ACAD9: variants seen among roughly 807,000 people sequenced by gnomAD.
ACAD9 encodes the protein acyl-CoA dehydrogenase family member 9.
Under a neutral mutation model 70.2 loss-of-function variants are expected in ACAD9, and 53 were observed. The ratio of observed to expected loss-of-function variants is 0.75; its 90% CI spans 0.61 to 0.95. ACAD9 has a LOEUF of 0.95. ACAD9 is among the 40% of genes least tolerant of loss of function. The pLI is 0.00. For synonymous variants in ACAD9, 313 were observed against 312.1 expected, an observed-to-expected ratio of 1.00 and a Z score of -0.03; for missense variants, 777 against 802.8, an observed-to-expected ratio of 0.97 and a Z score of 0.39.
intron 5 of ACAD9, among the ~76,000 whole-genome samples, chr3:128,897,306 C>T (rs868561279): frequency 6.6e-6 from 1 of 152,140 alleles, no homozygotes; most frequent in East Asian, 1.9e-4. Flanking sequence ...CTCAGCCTCC[C>T]GAGTAGCTGG....
rs1935546537 is a variant in ACAD9, at chr3:128,895,515, G to C, written c.453+99G>C. 2.7e-6 allele frequency: 3 copies of C among 1,115,628 alleles called. No homozygotes were observed. In the Admixed American group the frequency reaches 5.9e-5, roughly 22 times the overall value. 69.1% of individuals were successfully genotyped at this position (1,115,628 alleles called of 1,614,324 possible). A position where few individuals can be genotyped will look rare whatever the true frequency, so the allele number is the denominator to read the frequency against. ...GGCTTGCTCCCTCTGAATTGGGCCT[G>C]ATATCTGACCTTCAGCCCTGCCCTT... is the stretch of plus-strand genomic sequence containing the variant. On this transcript the variant is annotated intron_variant, in intron 4 of 17. Transcript: ENST00000308982.
chr3:128,882,519 G>C (rs1240418091), intron 1 of ACAD9, among the ~76,000 whole-genome samples: 1 of 152,296 alleles, frequency 6.6e-6, no homozygotes, highest in Non-Finnish European at 1.5e-5. Context: ...ACTGGGATTA[G>C]AGCAGAAACA....
In ACAD9 at chr3:128,895,279, G is replaced by T. The variant is rs1442830981; in HGVS notation, c.347-31G>T. The T allele has an allele frequency of 1.9e-6, 3 of 1,551,090 alleles. No individual in the cohort carries two copies. In the South Asian group the frequency reaches 3.4e-5, roughly 18 times the overall value. ...CTTAATGGGAGGAATCTAGGGCTGG[G>T]CTGTGATTGACGCTGGTCCATCTCT... On this transcript the variant is annotated intron_variant, in intron 3 of 17. Transcript: ENST00000308982.
chr3:128,889,253 A>G (rs1188568999), intron 2 of ACAD9, among the ~76,000 whole-genome samples: 1 of 151,626 alleles, frequency 6.6e-6, no homozygotes, highest in Non-Finnish European at 1.5e-5. Context: ...GGCTCAAGTG[A>G]TCCTCCCGCC....
chr3:128,891,156 G>T (rs1367292903), intron 2 of ACAD9, among the ~76,000 whole-genome samples: 1 of 151,832 alleles, frequency 6.6e-6, no homozygotes, highest in African/African-American at 2.4e-5. Context: ...TTTAAAATAG[G>T]AAAAAAGGAT....
intron 14 of ACAD9, 43 bp downstream of exon 14, chr3:128,909,142 C>T (rs201781719): frequency 5.6e-6 from 9 of 1,612,696 alleles, no homozygotes; most frequent in Middle Eastern, 1.7e-4. Context: ...CAATGCCCTC[C>T]TGCCAGATCT....
Position 128,908,251 on chromosome 3 carries a change from A to C in ACAD9, c.1345A>C (p.Thr449Pro). The change falls in exon 13 of 18, where the codon ACT becomes CCT. Residue 449 changes from threonine to proline, a missense_variant. Transcript: ENST00000308982. ...TCTGCAGCATGCCGGCCGCATCCTG[A>C]CTACCAGGATCCAGTAGGTGCCATT... ...TGLQHAGRIL[T>P]TRIHELKQAK... The C allele has an allele frequency of 2.5e-6, 4 of 1,614,110 alleles. No homozygotes were observed. Among genetic ancestry groups the C allele is most frequent in the East Asian group, 2.2e-5 (1 of 44,878 alleles).
At chr3:128,890,455 C>T (rs1218357069) in intron 2 of ACAD9, among the ~76,000 whole-genome samples, 1 of 152,070 alleles carries the variant, frequency 6.6e-6, no homozygotes, top group Non-Finnish European at 1.5e-5. Flanking sequence ...GTAATCCCAG[C>T]ACTTTGGGCG....
chr3:128,879,628 T>A lies in ACAD9; in HGVS notation c.-64T>A. The A allele has an allele frequency of 1.3e-6, 1 of 760,492 alleles. No individual in the cohort carries two copies. The highest frequency in any genetic ancestry group is 1.7e-6 in the Non-Finnish European group (1 of 589,642). The allele number at this position is 760,492 out of a possible 1,614,324, so 47.1% of individuals were successfully genotyped here. Reference sequence around the variant, plus strand: ...CGCGGGCCAGTAACGTCATCAGACGTGTGTGTGTCCCTGCGGCGCTAAGAA... The same window carrying A: ...CGCGGGCCAGTAACGTCATCAGACGAGTGTGTGTCCCTGCGGCGCTAAGAA... On this transcript the variant is annotated 5_prime_UTR_variant, in exon 1 of 18. Transcript: ENST00000308982.
chr3:128,887,608 CA>C (rs959301333), intron 2 of ACAD9, among the ~76,000 whole-genome samples: 18 of 114,782 alleles, frequency 1.6e-4, no homozygotes, highest in African/African-American at 5.2e-4. Flanking sequence ...GACCCTGTCT[CA>C]AAAAAAAATA....
intron 4 of ACAD9, among the ~76,000 whole-genome samples, chr3:128,895,726 C>T (rs1216140539): frequency 6.6e-6 from 1 of 152,206 alleles, no homozygotes; most frequent in East Asian, 1.9e-4. Context: ...GTGGTCTCTC[C>T]TGAGCCTTCG....
At chr3:128,905,301 T>C (rs1935857279) in intron 11 of ACAD9, among the ~76,000 whole-genome samples, 1 of 152,226 alleles carries the variant, frequency 6.6e-6, no homozygotes, top group Non-Finnish European at 1.5e-5. Flanking sequence ...TCTTATTTGG[T>C]TAAGGTAGAT....
intron 11 of ACAD9, among the ~76,000 whole-genome samples, chr3:128,905,004 G>C (rs1209194073): frequency 1.3e-5 from 2 of 151,970 alleles, no homozygotes; most frequent in African/African-American, 4.8e-5. Context: ...AAATTAGCCG[G>C]GCATAGTGGC....
At chr3:128,894,060 G>A (rs1935497931) in intron 3 of ACAD9, among the ~76,000 whole-genome samples, 1 of 152,152 alleles carries the variant, frequency 6.6e-6, no homozygotes, top group Admixed American at 6.5e-5. Flanking sequence ...TTTTTCTCGA[G>A]TTGGTCACCT....
chr3:128,902,297 C>A lies in ACAD9; in HGVS notation c.883-256C>A, dbSNP rs1935763937. Among the ~76,000 whole-genome samples the A allele has an allele frequency of 6.6e-6, 1 of 152,240 alleles. No homozygotes were observed. Among genetic ancestry groups the A allele is most frequent in the South Asian group, 2.1e-4 (1 of 4,836 alleles). On this transcript the variant is annotated intron_variant, in intron 8 of 17. Transcript: ENST00000308982. This position sits in a 1 kb window ranked among gnomAD's most constrained non-coding sequence, Gnocchi z 4.0. ...CAAGCGATCCTCTTGCCTTGGCCTTCCAAAATGCTGGTACTACAGGTGGGA... is the reference window on the plus strand; with the variant it reads ...CAAGCGATCCTCTTGCCTTGGCCTTACAAAATGCTGGTACTACAGGTGGGA...
At chr3:128,890,173 C>T (rs140526016) in intron 2 of ACAD9, among the ~76,000 whole-genome samples, 1,595 of 151,980 alleles carry the variant, frequency 0.01, 10 homozygotes, top group South Asian at 0.023. Context: ...CTGCAACCTC[C>T]ATCTCCCAGG....
intron 16 of ACAD9, 123 bp downstream of exon 16, chr3:128,910,272 C>G: frequency 6.5e-7 from 1 of 1,532,536 alleles, no homozygotes; most frequent in Non-Finnish European, 8.8e-7. Flanking sequence ...GTTCACCATG[C>G]GGTGGCCGTG....
chr3:128,885,918 G>A (rs1009365380), intron 2 of ACAD9, among the ~76,000 whole-genome samples: 1 of 151,686 alleles, frequency 6.6e-6, no homozygotes, highest in Non-Finnish European at 1.5e-5. Flanking sequence ...TCAGGAGGCT[G>A]AAGCAGGCGA....
rs756022677 is a variant in ACAD9 at position 128,904,496 on chromosome 3, C to T, written c.1140C>T (p.Ala380=). 4 of 1,613,988 alleles carry T rather than the reference C, an allele frequency of 2.5e-6. No individual in the cohort carries two copies. The Admixed American group carries it at 6.7e-5, about 27-fold the overall frequency. ...TTCCCGACTGCTCCATCGAGGCAGC[C>T]ATGGTGAAGGTAACCCTGGCATAGC... ...PGFPDCSIEA[A]MVKVFSSEAA... is the part of the protein sequence containing the mutation. Residue 380 remains alanine (A), a synonymous_variant, in exon 11 of 18, where the codon GCC becomes GCT. Coordinates refer to ENST00000308982, the MANE Select transcript of ACAD9 (RefSeq NM_014049.5).
Sources: allele counts gnomAD v4.1 joint callset (sites outside exome capture counted in the v4.1 genomes callset), GRCh38; gene constraint gnomAD v4.1.1; non-coding constraint Gnocchi (gnomAD v3.1); transcripts MANE v1.5; gene names NCBI Gene and HGNC (gene_info 2026-07-23, HGNC 2026-07-21).